Variants in NIBAN1 observed in about 807,000 individuals in gnomAD.
The protein encoded by NIBAN1 is protein Niban 1.
NIBAN1 carries 81 observed loss-of-function variants against 75.1 expected under a neutral mutation model. The observed-to-expected ratio is 1.08, with a 90% CI of 0.90 to 1.30. The LOEUF (loss-of-function observed/expected upper bound fraction) is 1.30. NIBAN1 is among the 50% of genes most tolerant of loss of function. The pLI is 0.00. For missense variants in NIBAN1, 1,133 were observed against 1,128.1 expected (o/e 1.00, Z -0.06); for synonymous variants, 436 against 424.8 (o/e 1.03, Z -0.32).
chr1:184,800,779 T>C (rs1325960215), intron 12 of NIBAN1, among the ~76,000 whole-genome samples: 4 of 152,220 alleles, frequency 2.6e-5, no homozygotes, highest in Non-Finnish European at 5.9e-5. Flanking sequence ...CTTGTTTATG[T>C]TGGGCATATA....
At chr1:184,955,356 C>CCTTTCCTTTCCTTTCCTTTCCTTT (rs1249860049) in intron 1 of NIBAN1, among the ~76,000 whole-genome samples, 1 of 147,212 alleles carries the variant, frequency 6.8e-6, no homozygotes, top group Non-Finnish European at 1.5e-5. Context: ...CCTTTCCTTT[C>CCTTTCCTTTCCTTTCCTTTCCTTT]CTTTTCTTTT....
At chr1:184,832,230 C>G (rs1361316598) in intron 5 of NIBAN1, among the ~76,000 whole-genome samples, 3 of 152,206 alleles carry the variant, frequency 2.0e-5, no homozygotes, top group Non-Finnish European at 4.4e-5. Context: ...CCTTTACCCT[C>G]TCTTATACAT....
intron 11 of NIBAN1, among the ~76,000 whole-genome samples, chr1:184,805,545 A>AT (rs1654170920): frequency 6.6e-6 from 1 of 152,118 alleles, no homozygotes; most frequent in South Asian, 2.1e-4. Flanking sequence ...TGAGGTTCTG[A>AT]TTTTTCAAAA....
At chr1:184,862,852 T>G (rs1655852263) in intron 5 of NIBAN1, among the ~76,000 whole-genome samples, 1 of 151,730 alleles carries the variant, frequency 6.6e-6, no homozygotes, top group Non-Finnish European at 1.5e-5. Context: ...TTTTAATAAC[T>G]TTTATTTTAA....
At chr1:184,819,836 T>G (rs1654645215) in intron 8 of NIBAN1, among the ~76,000 whole-genome samples, 1 of 152,204 alleles carries the variant, frequency 6.6e-6, no homozygotes, top group South Asian at 2.1e-4. Context: ...CAGACCCTAA[T>G]TTTCAGGAGC....
intron 1 of NIBAN1, among the ~76,000 whole-genome samples, chr1:184,912,748 A>C (rs1657275204): frequency 6.6e-6 from 1 of 152,186 alleles, no homozygotes; most frequent in African/African-American, 2.4e-5. Flanking sequence ...TTATCAGAAT[A>C]ACAATACATT....
chr1:184,930,457 C>T lies in NIBAN1; in HGVS notation c.56-31148G>A, dbSNP rs149616646. Reference sequence around the variant, plus strand: ...TCTATTTGTAGGGCACACTCCGTAGCGTAGAGATGCCTGAAATGAGCATGT... The same window carrying T: ...TCTATTTGTAGGGCACACTCCGTAGTGTAGAGATGCCTGAAATGAGCATGT... On this transcript the variant is annotated intron_variant, in intron 1 of 13. Coordinates refer to ENST00000367511, the MANE Select transcript of NIBAN1 (RefSeq NM_052966.4). Among the ~76,000 whole-genome samples the T allele has an allele frequency of 2.6e-3, 400 of 152,164 alleles. 2 individuals are homozygous for T. The highest frequency in any genetic ancestry group is 9.4e-3 in the African/African-American group (388 of 41,490).
In NIBAN1 at chr1:184,958,851, T is replaced by C. The variant is rs373330519; in HGVS notation, c.55+15451A>G. 5.9e-5 allele frequency among the ~76,000 whole-genome samples: 9 copies of C among 152,362 alleles called. No homozygotes were observed. The South Asian group carries it at 6.2e-4, about 11-fold the overall frequency. ...CTCTAACAAAACCATTTTAAATATT[T>C]ATACTCCAGATATTACACATTTGCC... is the stretch of plus-strand genomic sequence containing the variant. On this transcript the variant is annotated intron_variant, in intron 1 of 13. Transcript: ENST00000367511.
chr1:184,896,174 C>T (rs1234998649), intron 2 of NIBAN1, among the ~76,000 whole-genome samples: 1 of 152,186 alleles, frequency 6.6e-6, no homozygotes, highest in East Asian at 1.9e-4. Context: ...TACATTCCCA[C>T]TAACAGTGTA....
intron 5 of NIBAN1, among the ~76,000 whole-genome samples, chr1:184,855,628 A>G (rs1178841232): frequency 6.6e-6 from 1 of 151,814 alleles, no homozygotes; most frequent in East Asian, 1.9e-4. Flanking sequence ...CCACTCTACT[A>G]TTTTTCCACA....
At chr1:184,926,277 G>A (rs190133181) in intron 1 of NIBAN1, among the ~76,000 whole-genome samples, 37 of 152,148 alleles carry the variant, frequency 2.4e-4, no homozygotes, top group East Asian at 7.7e-4. Context: ...TCACTCTATC[G>A]CCCAGGCTGG....
At chr1:184,942,494 C>T (rs1482521448) in intron 1 of NIBAN1, among the ~76,000 whole-genome samples, 2 of 152,146 alleles carry the variant, frequency 1.3e-5, no homozygotes, top group Non-Finnish European at 2.9e-5. Flanking sequence ...GAGATCGAGA[C>T]CATCCTGGCT....
intron 1 of NIBAN1, among the ~76,000 whole-genome samples, chr1:184,956,352 G>A (rs928681233): frequency 2.0e-5 from 3 of 152,106 alleles, no homozygotes; most frequent in African/African-American, 7.2e-5. Flanking sequence ...ACCCTCATGG[G>A]CTCTGTGGAT....
At chr1:184,965,129 C>G (rs1342482005) in intron 1 of NIBAN1, among the ~76,000 whole-genome samples, 1 of 152,124 alleles carries the variant, frequency 6.6e-6, no homozygotes, top group Non-Finnish European at 1.5e-5. Flanking sequence ...GAAACCCCGT[C>G]TCTACTAAAA....
intron 4 of NIBAN1, among the ~76,000 whole-genome samples, chr1:184,889,868 A>G (rs1429033986): frequency 2.0e-5 from 3 of 152,216 alleles, no homozygotes; most frequent in Non-Finnish European, 2.9e-5. Context: ...GATACTTTGT[A>G]CCAGATAACT....
chr1:184,950,574 A>G (rs960168410), intron 1 of NIBAN1, among the ~76,000 whole-genome samples: 14 of 152,344 alleles, frequency 9.2e-5, no homozygotes, highest in African/African-American at 3.4e-4. Context: ...GAAGATGCTT[A>G]TGCAAATGAG....
At chr1:184,817,975 C>A (rs1389784262) in intron 9 of NIBAN1, among the ~76,000 whole-genome samples, 1 of 152,234 alleles carries the variant, frequency 6.6e-6, no homozygotes, top group Non-Finnish European at 1.5e-5. Flanking sequence ...TACCTCACTT[C>A]CAATTCCTGT....
At chr1:184,840,920 C>A (rs542083757) in intron 5 of NIBAN1, among the ~76,000 whole-genome samples, 1 of 151,194 alleles carries the variant, frequency 6.6e-6, no homozygotes, top group South Asian at 2.1e-4. Context: ...CAGGGCATTG[C>A]CTTAAAACAT....
chr1:184,824,191 C>G (rs1237980813), intron 6 of NIBAN1, among the ~76,000 whole-genome samples: 1 of 152,194 alleles, frequency 6.6e-6, no homozygotes, highest in Non-Finnish European at 1.5e-5. Flanking sequence ...CCTTCATGAT[C>G]AAGGTATCAA....
Sources: allele counts gnomAD v4.1 joint callset (sites outside exome capture counted in the v4.1 genomes callset), GRCh38; gene constraint gnomAD v4.1.1; transcripts MANE v1.5; gene names NCBI Gene and HGNC (gene_info 2026-07-23, HGNC 2026-07-21).